The following MAML3 variants were observed in gnomAD, a reference collection of about 807,000 sequenced individuals.
MAML3 encodes the protein mastermind like transcriptional coactivator 3.
MAML3 carries 27 observed loss-of-function variants against 101.9 expected under a neutral mutation model. The observed-to-expected ratio is 0.27, with a 90% CI of 0.20 to 0.37. The LOEUF (loss-of-function observed/expected upper bound fraction) is 0.37, where lower values mean the gene tolerates loss of function less well. MAML3 is among the 10% of genes least tolerant of loss of function. The pLI, the probability that MAML3 is intolerant of heterozygous loss-of-function variation, is 1.00. For missense variants in MAML3, 1,316 were observed against 1,444.9 expected (o/e 0.91, Z 1.45); for synonymous variants, 501 against 555.9 (o/e 0.90, Z 1.39).
chr4:140,137,778 C>G (rs971597756), intron 1 of MAML3, among the ~76,000 whole-genome samples: 9 of 152,234 alleles, frequency 5.9e-5, no homozygotes, highest in Non-Finnish European at 1.0e-4. Context: ...TACACCATTA[C>G]TTCAGAATAA....
At chr4:139,934,170 G>C (rs1733460557) in intron 1 of MAML3, among the ~76,000 whole-genome samples, 1 of 151,902 alleles carries the variant, frequency 6.6e-6, no homozygotes, top group Non-Finnish European at 1.5e-5. Flanking sequence ...ATATTTGTGA[G>C]TGCATGTCTG....
chr4:140,071,755 TAGAGAGAGAGAGAGAG>T (rs11268401), intron 1 of MAML3, among the ~76,000 whole-genome samples: 1 of 137,270 alleles, frequency 7.3e-6, no homozygotes, highest in African/African-American at 2.7e-5. Context: ...GGACCAGGAT[TAGAGAGAGAGAGAGAG>T]AGAGAGAGAG....
intron 1 of MAML3, among the ~76,000 whole-genome samples, chr4:140,033,936 A>C (rs1048028186): frequency 6.6e-6 from 1 of 152,214 alleles, no homozygotes; most frequent in Non-Finnish European, 1.5e-5. Flanking sequence ...TTGGAACTAC[A>C]ATGGCCTGAA....
At chr4:140,115,998 G>T (rs1728510561) in intron 1 of MAML3, among the ~76,000 whole-genome samples, 1 of 152,066 alleles carries the variant, frequency 6.6e-6, no homozygotes, top group African/African-American at 2.4e-5. Flanking sequence ...CAAATATATA[G>T]AGTACATATA....
intron 1 of MAML3, among the ~76,000 whole-genome samples, chr4:140,138,991 G>A (rs1270246711): frequency 1.3e-5 from 2 of 152,132 alleles, no homozygotes; most frequent in African/African-American, 4.8e-5. Flanking sequence ...TAGCCTTTAG[G>A]CCAGGCAGAG....
chr4:139,768,267 T>TGTGTGTG (rs1553955166), intron 2 of MAML3, among the ~76,000 whole-genome samples: 1 of 148,474 alleles, frequency 6.7e-6, no homozygotes, highest in Non-Finnish European at 1.5e-5. Flanking sequence ...TGTGTGTGTG[T>TGTGTGTG]TGCTGTTCTT....
intron 1 of MAML3, among the ~76,000 whole-genome samples, chr4:140,015,893 T>C (rs550530696): frequency 2.0e-5 from 3 of 152,112 alleles, no homozygotes; most frequent in Non-Finnish European, 2.9e-5. Context: ...GCGGCAGTTG[T>C]AGTCAGCCCA....
intron 1 of MAML3, among the ~76,000 whole-genome samples, chr4:139,939,597 C>T (rs1425541401): frequency 6.6e-6 from 1 of 152,086 alleles, no homozygotes; most frequent in Non-Finnish European, 1.5e-5. Context: ...GTCTCCTGTC[C>T]TTCCATAGCA....
chr4:140,006,842 G>A (rs1304379616), intron 1 of MAML3, among the ~76,000 whole-genome samples: 1 of 152,046 alleles, frequency 6.6e-6, no homozygotes, highest in South Asian at 2.1e-4. Context: ...CTTACATAGA[G>A]CTTACCCGCT....
intron 2 of MAML3, among the ~76,000 whole-genome samples, chr4:139,838,118 T>C (rs1731292200): frequency 6.6e-6 from 1 of 151,728 alleles, no homozygotes; most frequent in South Asian, 2.1e-4. Flanking sequence ...GGTTGGGACA[T>C]GTTTTCCCAG....
chr4:139,866,921 A>G (rs1369072169), intron 2 of MAML3, among the ~76,000 whole-genome samples: 1 of 152,208 alleles, frequency 6.6e-6, no homozygotes, highest in Non-Finnish European at 1.5e-5. Flanking sequence ...TTCCAATTAG[A>G]AAGAAACGCA....
At chr4:139,889,276 G>C in intron 2 of MAML3, 81 bp downstream of exon 2, 2 of 1,611,314 alleles carry the variant, frequency 1.2e-6, no homozygotes, top group African/African-American at 2.7e-5. Context: ...CACTACAGTG[G>C]AAGCTTGTAG....
chr4:140,097,877 A>G (rs1045172881), intron 1 of MAML3, among the ~76,000 whole-genome samples: 1 of 152,230 alleles, frequency 6.6e-6, no homozygotes, highest in Non-Finnish European at 1.5e-5. Context: ...AAACTGGCAT[A>G]GGATAGAGGG....
intron 1 of MAML3, among the ~76,000 whole-genome samples, chr4:139,951,714 A>G (rs999644514): frequency 1.1e-4 from 17 of 150,406 alleles, no homozygotes; most frequent in African/African-American, 3.4e-4. Flanking sequence ...TGTTCTTTAC[A>G]TTGCTAATTT....
intron 1 of MAML3, among the ~76,000 whole-genome samples, chr4:139,941,635 G>A (rs1209255739): frequency 6.6e-6 from 1 of 152,026 alleles, no homozygotes; most frequent in Non-Finnish European, 1.5e-5. Flanking sequence ...GTAATGACTA[G>A]ACATCAACTA....
chr4:140,030,075 C>A (rs917801816), intron 1 of MAML3, among the ~76,000 whole-genome samples: 4 of 152,146 alleles, frequency 2.6e-5, no homozygotes, highest in African/African-American at 4.8e-5. Flanking sequence ...CCCAATCACA[C>A]ATTTCTCTTT....
chr4:139,958,415 A>G (rs1274875638), intron 1 of MAML3, among the ~76,000 whole-genome samples: 5 of 152,340 alleles, frequency 3.3e-5, no homozygotes, highest in East Asian at 3.9e-4. Flanking sequence ...CAGAGTTTCT[A>G]TTCTCAAGAA....
At chr4:140,040,095 C>T (rs368845191) in intron 1 of MAML3, among the ~76,000 whole-genome samples, 1 of 152,070 alleles carries the variant, frequency 6.6e-6, no homozygotes, top group Non-Finnish European at 1.5e-5. Flanking sequence ...GGGGTGCTAC[C>T]GAATTCTGAC....
At chr4:140,085,836 G>A (rs541468246) in intron 1 of MAML3, among the ~76,000 whole-genome samples, 75 of 152,122 alleles carry the variant, frequency 4.9e-4, no homozygotes, top group Non-Finnish European at 9.1e-4. Context: ...CTCAGAGACC[G>A]TAGCTCCAGT....
Sources: allele counts gnomAD v4.1 joint callset (sites outside exome capture counted in the v4.1 genomes callset), GRCh38; gene constraint gnomAD v4.1.1; transcripts MANE v1.5; gene names NCBI Gene and HGNC (gene_info 2026-07-23, HGNC 2026-07-21).